The following GNAQ variants were observed in gnomAD, a reference collection of about 807,000 sequenced individuals.
GNAQ encodes the protein G protein subunit alpha q, also known as guanine nucleotide-binding protein G(q) subunit alpha.
A neutral mutation model predicts 43.9 loss-of-function variants in GNAQ; 8 were observed. The observed-to-expected ratio is 0.18, with a 90% CI of 0.11 to 0.33. The LOEUF (loss-of-function observed/expected upper bound fraction) is 0.33. Ranked by LOEUF, GNAQ falls within the 10% of genes least tolerant of loss-of-function variation. The pLI is 1.00. For synonymous variants in GNAQ, 155 were observed against 170.7 expected (o/e 0.91, Z 0.71); for missense variants, 158 against 450.8 (o/e 0.35, Z 5.88).
intron 1 of GNAQ, among the ~76,000 whole-genome samples, chr9:77,950,669 T>G (rs1195158556): frequency 6.6e-6 from 1 of 152,256 alleles, no homozygotes; most frequent in Non-Finnish European, 1.5e-5. Context: ...GAAATTTTAA[T>G]GAGCACGCAC....
At chr9:77,918,201 T>TAAAC (rs1828943032) in intron 2 of GNAQ, among the ~76,000 whole-genome samples, 1 of 152,236 alleles carries the variant, frequency 6.6e-6, no homozygotes, top group Non-Finnish European at 1.5e-5. Context: ...GGCCATGTTT[T>TAAAC]GCTTTATAAA....
intron 2 of GNAQ, among the ~76,000 whole-genome samples, chr9:77,916,551 T>C (rs915845428): frequency 2.0e-5 from 3 of 152,168 alleles, no homozygotes; most frequent in East Asian, 1.9e-4. Flanking sequence ...CGAGGTACTT[T>C]CCTGTGACAA....
intron 2 of GNAQ, among the ~76,000 whole-genome samples, chr9:77,864,359 C>G (rs953883252): frequency 9.2e-5 from 14 of 152,258 alleles, no homozygotes; most frequent in African/African-American, 3.4e-4. Context: ...CCAAACAAAC[C>G]ATATCCAAAC....
intron 1 of GNAQ, among the ~76,000 whole-genome samples, chr9:77,940,527 A>C (rs1359325508): frequency 5.9e-5 from 9 of 152,238 alleles, no homozygotes; most frequent in Non-Finnish European, 1.0e-4. Context: ...TGCAGTGAGC[A>C]GAGATCACAC....
intron 2 of GNAQ, among the ~76,000 whole-genome samples, chr9:77,822,305 C>A (rs550289063): frequency 6.6e-6 from 1 of 152,260 alleles, no homozygotes; most frequent in Admixed American, 6.5e-5. Context: ...TTTATACCAA[C>A]AAAACAACTC....
chr9:77,857,589 G>A (rs1030234300), intron 2 of GNAQ, among the ~76,000 whole-genome samples: 1 of 145,078 alleles, frequency 6.9e-6, no homozygotes, highest in Admixed American at 7.0e-5. Flanking sequence ...GTAGAAAAGA[G>A]AAGGGTAGGG....
At chr9:77,880,241 T>C (rs733408) in intron 2 of GNAQ, among the ~76,000 whole-genome samples, 35,201 of 152,078 alleles carry the variant, frequency 0.23, 5,773 homozygotes, top group African/African-American at 0.45. Flanking sequence ...AGCTCAGAAA[T>C]ATGTCCTGTC....
intron 5 of GNAQ, among the ~76,000 whole-genome samples, chr9:77,749,150 A>C (rs921273929): frequency 1.3e-5 from 2 of 152,058 alleles, no homozygotes; most frequent in Non-Finnish European, 2.9e-5. Flanking sequence ...CCAGGTTCTC[A>C]ATCCTTTCCA....
intron 2 of GNAQ, among the ~76,000 whole-genome samples, chr9:77,816,555 C>T (rs184871426): frequency 5.3e-4 from 81 of 152,136 alleles, no homozygotes; most frequent in African/African-American, 1.9e-3. Flanking sequence ...TACACGACTG[C>T]CTAACAATCC....
intron 3 of GNAQ, among the ~76,000 whole-genome samples, chr9:77,809,549 C>G (rs556965701): frequency 4.8e-4 from 73 of 151,776 alleles, no homozygotes; most frequent in African/African-American, 1.6e-3. Flanking sequence ...GGCTTTTTAT[C>G]AATAACGAAA....
chr9:77,925,125 C>T (rs1355131426), intron 1 of GNAQ, among the ~76,000 whole-genome samples: 15 of 152,042 alleles, frequency 9.9e-5, no homozygotes, highest in Non-Finnish European at 1.5e-5. Flanking sequence ...TATTGCTTGG[C>T]CCCAGGTTAC....
chr9:77,805,344 G>C (rs186484187), intron 3 of GNAQ, among the ~76,000 whole-genome samples: 1 of 152,050 alleles, frequency 6.6e-6, no homozygotes, highest in African/African-American at 2.4e-5. Context: ...CCTGACATAC[G>C]TGTTAGAGTT....
At chr9:77,971,565 G>A (rs967274109) in intron 1 of GNAQ, among the ~76,000 whole-genome samples, 8 of 152,242 alleles carry the variant, frequency 5.3e-5, no homozygotes, top group Middle Eastern at 6.8e-3. Flanking sequence ...AAAGGCCTTC[G>A]ACAAAATTCA....
At chr9:77,936,684 G>T (rs1317489965) in intron 1 of GNAQ, among the ~76,000 whole-genome samples, 1 of 152,150 alleles carries the variant, frequency 6.6e-6, no homozygotes, top group Non-Finnish European at 1.5e-5. Flanking sequence ...GATATTTCCA[G>T]GGGTTTGTGA....
At chr9:78,027,033 A>G (rs995980070) in intron 1 of GNAQ, among the ~76,000 whole-genome samples, 8 of 152,320 alleles carry the variant, frequency 5.3e-5, no homozygotes, top group African/African-American at 1.9e-4. Flanking sequence ...TCTACACAAT[A>G]AAAAGTAATA....
At chr9:78,021,690 T>C (rs949543035) in intron 1 of GNAQ, among the ~76,000 whole-genome samples, 1 of 152,110 alleles carries the variant, frequency 6.6e-6, no homozygotes, top group African/African-American at 2.4e-5. Flanking sequence ...TCACTGAAAA[T>C]GGCAGAGATG....
chr9:78,022,572 T>C (rs1283341313), intron 1 of GNAQ, among the ~76,000 whole-genome samples: 1 of 152,234 alleles, frequency 6.6e-6, no homozygotes, highest in Non-Finnish European at 1.5e-5. Flanking sequence ...TCTGCCATTG[T>C]TTTTAAATTA....
chr9:77,978,299 T>C (rs1823328285), intron 1 of GNAQ, among the ~76,000 whole-genome samples: 1 of 152,208 alleles, frequency 6.6e-6, no homozygotes, highest in African/African-American at 2.4e-5. Flanking sequence ...ATTTTGTCTC[T>C]AGTTTTCTTG....
intron 1 of GNAQ, among the ~76,000 whole-genome samples, chr9:77,973,713 G>A (rs1231372030): frequency 6.6e-6 from 1 of 152,082 alleles, no homozygotes. Flanking sequence ...AGCCACTTGG[G>A]AGCCTGAGGC....
Sources: allele counts gnomAD v4.1 joint callset (sites outside exome capture counted in the v4.1 genomes callset), GRCh38; gene constraint gnomAD v4.1.1; transcripts MANE v1.5; gene names NCBI Gene and HGNC (gene_info 2026-07-23, HGNC 2026-07-21).